NTN1: variants seen among roughly 807,000 people sequenced by gnomAD.
NTN1 encodes netrin 1, also known as netrin-1.
A neutral mutation model predicts 54.2 loss-of-function variants in NTN1; 11 were observed. The observed-to-expected ratio is 0.20, with a 90% CI of 0.13 to 0.34. The LOEUF is 0.34. Among genes scored for constraint, NTN1 ranks in the 10% least tolerant of loss-of-function variants. NTN1 has a pLI of 1.00. For missense variants in NTN1, 740 were observed against 893.1 expected, an observed-to-expected ratio of 0.83 and a Z score of 2.18; for synonymous variants, 371 against 382.0, an observed-to-expected ratio of 0.97 and a Z score of 0.33.
At chr17:9,195,496 T>C (rs1904607890) in intron 5 of NTN1, among the ~76,000 whole-genome samples, 1 of 152,128 alleles carries the variant, frequency 6.6e-6, no homozygotes, top group Non-Finnish European at 1.5e-5. Context: ...CCCACCTCCA[T>C]GTCACACAGC....
chr17:9,226,655 G>C (rs1905575086), intron 6 of NTN1, among the ~76,000 whole-genome samples: 1 of 152,112 alleles, frequency 6.6e-6, no homozygotes, highest in South Asian at 2.1e-4. Flanking sequence ...CGCCAGGGAG[G>C]CTGAGTGGGT....
At position 9,241,007 on chromosome 17, in the gene NTN1, G is replaced by A. The variant is rs1164950560; in HGVS notation, c.*1039G>A. On this transcript the variant is annotated 3_prime_UTR_variant, in exon 7 of 7. Coordinates refer to ENST00000173229, the MANE Select transcript of NTN1 (RefSeq NM_004822.3). ...TGTAAATGACATCAGCTCCCGCAAG[G>A]CCCCTCAGCAATGTCAACAGCTGGA... 1 of 152,222 alleles carries A rather than the reference G, an allele frequency of 6.6e-6. No homozygotes were observed. Among genetic ancestry groups the A allele is most frequent in the Non-Finnish European group, 1.5e-5 (1 of 68,074 alleles). 9.4% of individuals were successfully genotyped at this position (152,222 alleles called of 1,614,324 possible). A position where few individuals can be genotyped will look rare whatever the true frequency, so the allele number is the denominator to read the frequency against.
chr17:9,051,196 G>A (rs182006360), intron 2 of NTN1, among the ~76,000 whole-genome samples: 4 of 152,312 alleles, frequency 2.6e-5, no homozygotes, highest in Admixed American at 2.0e-4. Flanking sequence ...AAACAAAAAG[G>A]GTTTGCAGAC....
intron 2 of NTN1, among the ~76,000 whole-genome samples, chr17:9,071,089 C>T (rs905023213): frequency 2.0e-5 from 3 of 152,342 alleles, no homozygotes; most frequent in Non-Finnish European, 4.4e-5. Flanking sequence ...CTCACTTCCT[C>T]CAACTTCTTG....
chr17:9,182,767 TCTC>T (rs1162054656), intron 4 of NTN1, 146 bp from the exon 5 acceptor site: 1 of 823,148 alleles, frequency 1.2e-6, no homozygotes, highest in Admixed American at 2.0e-5. Context: ...TTCTGACTTT[TCTC>T]CTCTTGAGCC....
chr17:9,157,582 TC>T (rs1162823334), intron 2 of NTN1, among the ~76,000 whole-genome samples: 1 of 152,222 alleles, frequency 6.6e-6, no homozygotes, highest in Non-Finnish European at 1.5e-5. Context: ...CCTCTCGCCC[TC>T]CTATCTTCCT....
intron 2 of NTN1, among the ~76,000 whole-genome samples, chr17:9,034,139 G>C (rs1394486094): frequency 6.6e-6 from 1 of 152,066 alleles, no homozygotes; most frequent in Non-Finnish European, 1.5e-5. Context: ...AGCTGTCTGT[G>C]CCTTTGATGC....
At chr17:9,147,146 C>T (rs1049663321) in intron 2 of NTN1, among the ~76,000 whole-genome samples, 3 of 152,268 alleles carry the variant, frequency 2.0e-5, no homozygotes, top group East Asian at 1.9e-4. Flanking sequence ...GGATTCTTCC[C>T]GCATTTGCCC....
chr17:9,003,327 G>T, the NTN1 span, among the ~76,000 whole-genome samples: 1 of 151,808 alleles, frequency 6.6e-6, no homozygotes, highest in Admixed American at 6.6e-5. The surrounding 1 kb of genome is among the most constrained non-coding windows in gnomAD (Gnocchi z 7.4). Context: ...GCCGCGGGCC[G>T]GGGCCGTCTG....
rs1391460630 is a variant in NTN1 at position 9,242,521 on chromosome 17, TGTG to T, written c.*2559_*2561del. 2.6e-5 allele frequency: 4 copies of T among 152,276 alleles called. No individual in the cohort carries two copies. The highest frequency in any genetic ancestry group is 2.1e-4 in the South Asian group (1 of 4,832). 9.4% of individuals were successfully genotyped at this position (152,276 alleles called of 1,614,324 possible). A position where few individuals can be genotyped will look rare whatever the true frequency, so the allele number is the denominator to read the frequency against. On this transcript the variant is annotated 3_prime_UTR_variant, in exon 7 of 7. Transcript: ENST00000173229. ...GGGTGTCCTGTGAGGGGCTTGCATT[TGTG>T]GTGGTCTCTGAGGCCACCTCAGCAA...
rs114905818 is a variant in NTN1, at chr17:9,191,172, T to C, written c.1411+8203T>C. Among the ~76,000 whole-genome samples the C allele has an allele frequency of 2.6e-3, 403 of 152,148 alleles. 3 individuals carry two copies. Among genetic ancestry groups the C allele is most frequent in the African/African-American group, 9.4e-3 (389 of 41,530 alleles). ...AAAAGGAAAGATTTTGAATAAATAA[T>C]AAGCGGAGCCGGGCGTGGTGGCTCA... On this transcript the variant is annotated intron_variant, in intron 5 of 6. Transcript: ENST00000173229.
chr17:9,203,905 C>G (rs1389029301), intron 5 of NTN1, among the ~76,000 whole-genome samples: 1 of 152,156 alleles, frequency 6.6e-6, no homozygotes, highest in African/African-American at 2.4e-5. Flanking sequence ...ACCATGCCCT[C>G]TAAGTTTGAA....
the NTN1 span, among the ~76,000 whole-genome samples, chr17:9,005,436 A>C: frequency 1.3e-5 from 2 of 149,672 alleles, no homozygotes; most frequent in African/African-American, 2.5e-5. Flanking sequence ...CCCAACACAC[A>C]CACACATACA....
chr17:9,104,706 A>G (rs755697256), intron 2 of NTN1, among the ~76,000 whole-genome samples: 1 of 152,248 alleles, frequency 6.6e-6, no homozygotes, highest in Non-Finnish European at 1.5e-5. Context: ...GTCCAACACC[A>G]TGACACCCTG....
At chr17:9,159,057 T>G (rs770443652) in intron 2 of NTN1, among the ~76,000 whole-genome samples, 9 of 152,196 alleles carry the variant, frequency 5.9e-5, no homozygotes, top group Non-Finnish European at 1.0e-4. Flanking sequence ...AGAGAAAAAT[T>G]AAAGAGGCAC....
intron 2 of NTN1, among the ~76,000 whole-genome samples, chr17:9,079,666 TC>T (rs994505752): frequency 6.6e-6 from 1 of 151,884 alleles, no homozygotes; most frequent in African/African-American, 2.4e-5. Flanking sequence ...AGGAAGTGGT[TC>T]CCCAGTGGAC....
In NTN1 at chr17:9,033,824, G is replaced by C. The variant is rs561627107; in HGVS notation, c.1018+10433G>C. 4.0e-5 allele frequency among the ~76,000 whole-genome samples: 6 copies of C among 151,428 alleles called. No homozygotes were observed. The East Asian group carries it at 7.8e-4, about 20-fold the overall frequency. On this transcript the variant is annotated intron_variant, in intron 2 of 6. Coordinates refer to ENST00000173229, the MANE Select transcript of NTN1 (RefSeq NM_004822.3). ...CCCAGCTACTTGGGAGGCTGAGGCA[G>C]GAGAATTACTTGAATCTGGGAGGCG...
At chr17:9,210,221 C>T (rs1905063710) in intron 5 of NTN1, among the ~76,000 whole-genome samples, 1 of 152,022 alleles carries the variant, frequency 6.6e-6, no homozygotes. Context: ...GCTGCTCCTC[C>T]TGCTTGGAAC....
intron 2 of NTN1, among the ~76,000 whole-genome samples, chr17:9,057,339 C>G (rs1226175378): frequency 3.3e-5 from 5 of 152,156 alleles, no homozygotes; most frequent in Non-Finnish European, 4.4e-5. Context: ...GAAATAATTT[C>G]ATCACTTAAT....
Sources: allele counts gnomAD v4.1 joint callset (sites outside exome capture counted in the v4.1 genomes callset), GRCh38; gene constraint gnomAD v4.1.1; non-coding constraint Gnocchi (gnomAD v3.1); transcripts MANE v1.5; gene names NCBI Gene and HGNC (gene_info 2026-07-23, HGNC 2026-07-21).